The following MYO19 variants were observed in gnomAD, a reference collection of about 807,000 sequenced individuals.
MYO19 encodes the protein myosin XIX, also known as unconventional myosin-XIX.
Under a neutral mutation model 129.2 loss-of-function variants are expected in MYO19, and 132 were observed. The observed-to-expected ratio is 1.02, with a 90% CI of 0.89 to 1.18. MYO19 has a LOEUF of 1.18. MYO19 is among the 50% of genes most tolerant of loss of function. MYO19 has a pLI of 0.00. For missense variants in MYO19, 1,210 were observed against 1,216.7 expected, an observed-to-expected ratio of 0.99 and a Z score of 0.08; for synonymous variants, 531 against 477.2, an observed-to-expected ratio of 1.11 and a Z score of -1.47.
At chr17:36,511,096 A>G in intron 12 of MYO19, 179 bp from the exon 13 acceptor site, 1 of 733,226 alleles carries the variant, frequency 1.4e-6, no homozygotes, top group Admixed American at 2.9e-5. Context: ...ACTCAAACCC[A>G]GCACTTTCAT....
rs1410897444 is a variant in MYO19 at position 36,498,507 on chromosome 17, T to C, written c.2516A>G (p.His839Arg). 4 of 1,613,934 alleles carry C rather than the reference T, an allele frequency of 2.5e-6. No individual in the cohort carries two copies. In the East Asian group the frequency reaches 6.7e-5, roughly 27 times the overall value. ...CAGGGAACAGGGAGCTTGAGAGAAG[T>C]GTTTTTCTTCCACACCATCCAGCTC... ...AKELDGVEEKHFSQAPCSLST... is the reference protein window; with the variant it reads ...AKELDGVEEKRFSQAPCSLST... The change falls in exon 25 of 26, where the codon CAC (histidine) becomes CGC (arginine). Residue 839 changes from histidine (H) to arginine (R), a missense_variant. Coordinates refer to ENST00000614623, the MANE Select transcript of MYO19 (RefSeq NM_001163735.2).
At chr17:36,512,476 G>T (rs1424100660) in intron 11 of MYO19, among the ~76,000 whole-genome samples, 1 of 151,936 alleles carries the variant, frequency 6.6e-6, no homozygotes, top group Non-Finnish European at 1.5e-5. Flanking sequence ...CCCAGGCAGG[G>T]TGCCTCCATG....
At chr17:36,513,155 C>T in intron 11 of MYO19, 2 of 1,400,826 alleles carry the variant, frequency 1.4e-6, no homozygotes. Flanking sequence ...CTCTTCTGAT[C>T]ATGCGGTACC....
chr17:36,498,501 G>C lies in MYO19; in HGVS notation c.2522C>G (p.Ser841Cys). Reference sequence around the variant, plus strand: ...GGTGCTCAGGGAACAGGGAGCTTGAGAGAAGTGTTTTTCTTCCACACCATC... The same window carrying C: ...GGTGCTCAGGGAACAGGGAGCTTGACAGAAGTGTTTTTCTTCCACACCATC... The part of the protein sequence containing the change: ...ELDGVEEKHF[S>C]QAPCSLSTSP... The change falls in exon 25 of 26, where the codon TCT (serine) becomes TGT (cysteine). Residue 841 changes from serine (S) to cysteine (C), a missense_variant. Coordinates refer to ENST00000614623, the MANE Select transcript of MYO19 (RefSeq NM_001163735.2). 2 of 1,614,052 alleles carry C rather than the reference G, an allele frequency of 1.2e-6. No individual in the cohort carries two copies. The highest frequency in any genetic ancestry group is 2.2e-5 in the South Asian group (2 of 91,088).
chr17:36,523,021 AAAC>A (rs1180168016), intron 6 of MYO19, among the ~76,000 whole-genome samples: 2 of 147,176 alleles, frequency 1.4e-5, no homozygotes, highest in Admixed American at 1.3e-4. Context: ...AAAAAACAAA[AAAC>A]AAAAAAAAAA....
In MYO19 at chr17:36,499,150, G is replaced by T; in HGVS notation, c.2388C>A (p.Ser796=). ...TCTGGATGTGTTTCCGAGTTAACCA[G>T]GAACGAATGGCTAAGAGGTTTGCCC... ...AVMLIQAAIR[S]WLTRKHIQRL... The change falls in exon 24 of 26, where the codon TCC becomes TCA. Residue 796 remains serine, a synonymous_variant. Transcript: ENST00000614623. 1 of 1,605,444 alleles carries T rather than the reference G, an allele frequency of 6.2e-7. No homozygotes were observed. Among genetic ancestry groups the T allele is most frequent in the Non-Finnish European group, 8.5e-7 (1 of 1,175,504 alleles).
intron 3 of MYO19, among the ~76,000 whole-genome samples, chr17:36,531,119 GCGCGGTGGCTCA>G (rs1273647190): frequency 1.3e-4 from 20 of 151,818 alleles, no homozygotes; most frequent in Admixed American, 4.6e-4. Flanking sequence ...TGGAGGCTGG[GCGCGGTGGCTCA>G]CGCCTGTAGT....
chr17:36,540,567 T>TA (rs979516825), intron 2 of MYO19, among the ~76,000 whole-genome samples: 2 of 151,880 alleles, frequency 1.3e-5, no homozygotes, highest in African/African-American at 4.8e-5. Context: ...GATGAGGTTT[T>TA]ACCATGTTGG....
At chr17:36,523,001 G>A (rs1337013881) in intron 6 of MYO19, among the ~76,000 whole-genome samples, 2 of 134,282 alleles carry the variant, frequency 1.5e-5, no homozygotes, top group East Asian at 2.1e-4. Flanking sequence ...GCAAGACTCC[G>A]TCTCAAAAAA....
chr17:36,528,356 A>G (rs2073616845), intron 3 of MYO19, among the ~76,000 whole-genome samples, 154 bp from the exon 4 acceptor site: 1 of 152,128 alleles, frequency 6.6e-6, no homozygotes, highest in Non-Finnish European at 1.5e-5. Context: ...AAAAAAATTC[A>G]AAAAATTAGC....
At chr17:36,530,873 G>A (rs1488283215) in intron 3 of MYO19, among the ~76,000 whole-genome samples, 3 of 151,966 alleles carry the variant, frequency 2.0e-5, no homozygotes, top group Admixed American at 6.6e-5. Context: ...TGCCCGCCTC[G>A]ACCTCCCAAA....
At chr17:36,507,686 A>C in intron 15 of MYO19, 117 bp downstream of exon 15, 4 of 1,330,850 alleles carry the variant, frequency 3.0e-6, no homozygotes, top group Non-Finnish European at 3.0e-6. Flanking sequence ...TGTCAATTAA[A>C]AATAAAATAA....
chr17:36,506,270 G>A (rs1198285046), intron 18 of MYO19, among the ~76,000 whole-genome samples, 186 bp downstream of exon 18: 1 of 152,144 alleles, frequency 6.6e-6, no homozygotes, highest in Non-Finnish European at 1.5e-5. Flanking sequence ...TATTATACCT[G>A]ATAGCCTATT....
rs1310198309 is a variant in MYO19, at chr17:36,500,483, C to G, written c.2377+347G>C. On this transcript the variant is annotated intron_variant, in intron 23 of 25. Transcript: ENST00000614623. ...TTTTACCTTCTCCTTAAATTCATTCCAGCCCTAGAGCCCAGCAGGTAATGG... is the reference window on the plus strand; with the variant it reads ...TTTTACCTTCTCCTTAAATTCATTCGAGCCCTAGAGCCCAGCAGGTAATGG... 5 of 250,212 alleles carry G rather than the reference C, an allele frequency of 2.0e-5. No individual in the cohort carries two copies. The Admixed American group carries it at 2.5e-4, about 13-fold the overall frequency. The allele number at this position is 250,212 out of a possible 1,614,324, so 15.5% of individuals were successfully genotyped here.
Position 36,507,152 on chromosome 17 carries a change from A to T in MYO19, c.1468-13T>A. 1 of 1,594,330 alleles carries T rather than the reference A, an allele frequency of 6.3e-7. No individual in the cohort carries two copies. Among genetic ancestry groups the T allele is most frequent in the Non-Finnish European group, 8.6e-7 (1 of 1,165,844 alleles). On this transcript the variant is annotated splice_polypyrimidine_tract_variant and intron_variant, in intron 16 of 25. Coordinates refer to ENST00000614623, the MANE Select transcript of MYO19 (RefSeq NM_001163735.2). ...TGAGGCGGCATTCCTGTGGGATGGG[A>T]ACAGGGGGTCAGCCACCAACATGAG...
At chr17:36,535,072 C>T (rs1167708049), upstream of MYO19, 2 of 152,288 alleles carry the variant, frequency 1.3e-5, no homozygotes, top group East Asian at 1.9e-4. Flanking sequence ...GTTTTGCGAC[C>T]CTGGGGTAAA....
chr17:36,527,932 T>C, intron 4 of MYO19, 132 bp downstream of exon 4: 15 of 1,321,128 alleles, frequency 1.1e-5, no homozygotes, highest in Non-Finnish European at 1.4e-5. Flanking sequence ...GGCGGAGGTC[T>C]GGAGCAGCCC....
Position 36,515,876 on chromosome 17 carries a change from G to T in MYO19, c.529C>A (p.Pro177Thr), listed in dbSNP as rs1482857429. 3 of 1,612,836 alleles carry T rather than the reference G, an allele frequency of 1.9e-6. No homozygotes were observed. The African/African-American group carries it at 4.0e-5, about 22-fold the overall frequency. Reference protein sequence around the residue: ...RIEQRILNSNPVMEAFGNACT... With the variant: ...RIEQRILNSNTVMEAFGNACT... Reference sequence around the variant, plus strand: ...AGCTCACCAAAAGCTTCCATGACAGGGTTGGAGTTCAGGATCCTCTGTTCT... The same window carrying T: ...AGCTCACCAAAAGCTTCCATGACAGTGTTGGAGTTCAGGATCCTCTGTTCT... The change falls in exon 7 of 26, where the codon CCT (proline) becomes ACT (threonine). Residue 177 changes from proline (P) to threonine (T), a missense_variant. By Grantham distance (38) the Pro-to-Thr change is conservative (BLOSUM62 -1). Transcript: ENST00000614623.
chr17:36,542,628 G>A (rs190192920), intron 1 of MYO19, among the ~76,000 whole-genome samples: 1 of 151,820 alleles, frequency 6.6e-6, no homozygotes, highest in African/African-American at 2.4e-5. Context: ...GAACCCGGGA[G>A]GCGGAGCTTG....
Sources: gnomAD v4.1 joint callset for allele counts (sites outside exome capture counted in the v4.1 genomes callset) on GRCh38, gnomAD v4.1.1 for gene constraint, MANE v1.5 for transcripts, NCBI Gene and HGNC (gene_info 2026-07-23, HGNC 2026-07-21) for gene names.